THRB: variants seen among roughly 807,000 people sequenced by gnomAD.
THRB encodes thyroid hormone receptor beta.
In THRB, 12 loss-of-function variants were observed where a neutral mutation model predicts 47.8. The ratio of observed to expected loss-of-function variants is 0.25; its 90% CI spans 0.16 to 0.41. The LOEUF is 0.41. Ranked by LOEUF, THRB falls within the 10% of genes least tolerant of loss-of-function variation. THRB has a pLI of 1.00. For missense variants in THRB, 348 were observed against 589.2 expected (o/e 0.59, Z 4.24); for synonymous variants, 218 against 212.2 (o/e 1.03, Z -0.24).
At chr3:24,151,860 G>A (rs1452930184) in intron 6 of THRB, among the ~76,000 whole-genome samples, 1 of 152,200 alleles carries the variant, frequency 6.6e-6, no homozygotes, top group Non-Finnish European at 1.5e-5. Flanking sequence ...ACTGCAGGCT[G>A]TGCGAAAAGC....
intron 1 of THRB, among the ~76,000 whole-genome samples, chr3:24,362,524 T>C (rs535552954): frequency 5.9e-5 from 9 of 152,272 alleles, no homozygotes; most frequent in African/African-American, 2.2e-4. Flanking sequence ...ATAGCACTTA[T>C]CACCTTCTAA....
intron 1 of THRB, among the ~76,000 whole-genome samples, chr3:24,339,072 A>T (rs2062449890): frequency 6.6e-6 from 1 of 152,228 alleles, no homozygotes; most frequent in Non-Finnish European, 1.5e-5. Flanking sequence ...ACTTTATGGC[A>T]ATTATGTATA....
intron 3 of THRB, among the ~76,000 whole-genome samples, chr3:24,258,230 C>T (rs1042696073): frequency 3.3e-5 from 5 of 152,226 alleles, no homozygotes; most frequent in South Asian, 2.1e-4. Context: ...ATGCAAGCGA[C>T]GCCTAAGAAC....
chr3:24,241,345 C>T (rs2049480891), intron 3 of THRB, among the ~76,000 whole-genome samples: 1 of 152,162 alleles, frequency 6.6e-6, no homozygotes, highest in Admixed American at 6.5e-5. Context: ...TCAGGTGATT[C>T]CACTGAGACC....
At chr3:24,147,126 A>T (rs919017981) in intron 6 of THRB, among the ~76,000 whole-genome samples, 3 of 152,266 alleles carry the variant, frequency 2.0e-5, no homozygotes, top group Admixed American at 2.0e-4. Flanking sequence ...TATTGAATAT[A>T]TAAGTAAATT....
intron 1 of THRB, among the ~76,000 whole-genome samples, chr3:24,413,723 G>A (rs1290425963): frequency 1.3e-5 from 2 of 151,262 alleles, no homozygotes; most frequent in East Asian, 3.9e-4. Flanking sequence ...CCCCATCCCC[G>A]ACCCCACGAC....
chr3:24,252,095 A>G (rs940037658), intron 3 of THRB, among the ~76,000 whole-genome samples: 2 of 152,174 alleles, frequency 1.3e-5, no homozygotes, highest in African/African-American at 2.4e-5. Flanking sequence ...GTATGTGATA[A>G]TAGTCACTGC....
chr3:24,349,279 T>C (rs116750832), intron 1 of THRB, among the ~76,000 whole-genome samples: 1,627 of 152,168 alleles, frequency 0.011, 40 homozygotes, highest in African/African-American at 0.037. Context: ...TAAATTAGTA[T>C]ATAGATTCAA....
intron 1 of THRB, among the ~76,000 whole-genome samples, chr3:24,431,477 C>T (rs2070415790): frequency 6.6e-6 from 1 of 151,952 alleles, no homozygotes; most frequent in South Asian, 2.1e-4. Context: ...AATTTAAAAG[C>T]CTGACATTAC....
intron 8 of THRB, among the ~76,000 whole-genome samples, chr3:24,135,820 C>CATATATATATATATATATATATAT (rs34338818): frequency 2.0e-5 from 2 of 98,488 alleles, no homozygotes; most frequent in African/African-American, 4.8e-5. Flanking sequence ...GGCAGAGAGT[C>CATATATATATATATATATATATAT]ATATATATAT....
chr3:24,408,646 C>A (rs563801422), intron 1 of THRB, among the ~76,000 whole-genome samples: 3 of 151,854 alleles, frequency 2.0e-5, no homozygotes, highest in Admixed American at 2.0e-4. Context: ...TGATTAGATG[C>A]ATTAAGAAAT....
intron 1 of THRB, among the ~76,000 whole-genome samples, chr3:24,463,720 TAG>T (rs2073894640): frequency 1.3e-5 from 2 of 152,228 alleles, no homozygotes; most frequent in African/African-American, 4.8e-5. Context: ...GATTTGGACT[TAG>T]AGTCTCATGG....
At position 24,228,984 on chromosome 3, in the gene THRB, T is replaced by C. The variant is rs1457622185; in HGVS notation, c.-25A>G. 4.4e-6 allele frequency: 7 copies of C among 1,595,878 alleles called. No individual in the cohort carries two copies. The highest frequency in any genetic ancestry group is 6.0e-6 in the Non-Finnish European group (7 of 1,166,730). ...TAGGTTAGTAATCATTCTGGATCCC[T>C]TTTTTCACTGACATCTCCTACAAGG... On this transcript the variant is annotated 5_prime_UTR_variant, in exon 4 of 11. Transcript: ENST00000646209.
chr3:24,246,338 A>C (rs1045109249), intron 3 of THRB, among the ~76,000 whole-genome samples: 2 of 152,176 alleles, frequency 1.3e-5, no homozygotes, highest in Admixed American at 1.3e-4. Context: ...GTTTCAAGAA[A>C]GAAGGCAGTG....
intron 3 of THRB, among the ~76,000 whole-genome samples, chr3:24,285,297 T>C (rs1420276530): frequency 1.3e-5 from 2 of 151,636 alleles, no homozygotes; most frequent in East Asian, 3.9e-4. Flanking sequence ...ATGGATGAAA[T>C]TGGAAACCAT....
chr3:24,233,618 A>C (rs575139997), intron 3 of THRB, among the ~76,000 whole-genome samples: 9 of 152,146 alleles, frequency 5.9e-5, no homozygotes, highest in Non-Finnish European at 1.0e-4. Context: ...AAAGAAAGAG[A>C]AAGAGCCTGT....
chr3:24,292,351 T>A (rs2056014369), intron 3 of THRB, among the ~76,000 whole-genome samples: 1 of 152,210 alleles, frequency 6.6e-6, no homozygotes, highest in Admixed American at 6.5e-5. Flanking sequence ...AAAATGCTTT[T>A]TTAAGTGCTC....
chr3:24,431,637 A>G (rs1303873465), intron 1 of THRB, among the ~76,000 whole-genome samples: 1 of 152,180 alleles, frequency 6.6e-6, no homozygotes, highest in Non-Finnish European at 1.5e-5. Context: ...TACTGCTAGA[A>G]AAACTTAACT....
At chr3:24,398,263 G>A (rs974953702) in intron 1 of THRB, among the ~76,000 whole-genome samples, 9 of 152,158 alleles carry the variant, frequency 5.9e-5, no homozygotes, top group African/African-American at 2.2e-4. Context: ...CTGCTGCACA[G>A]CAAAAGAAAG....
Sources: gnomAD v4.1 joint callset for allele counts (sites outside exome capture counted in the v4.1 genomes callset) on GRCh38, gnomAD v4.1.1 for gene constraint, MANE v1.5 for transcripts, NCBI Gene and HGNC (gene_info 2026-07-23, HGNC 2026-07-21) for gene names.